GNAI1: variants seen among roughly 807,000 people sequenced by gnomAD.
GNAI1 encodes the protein guanine nucleotide-binding protein G(i) subunit alpha-1.
A neutral mutation model predicts 38.9 loss-of-function variants in GNAI1; 11 were observed. The ratio of observed to expected loss-of-function variants is 0.28; its 90% CI spans 0.18 to 0.47. The LOEUF is 0.47. GNAI1 is among the 20% of genes least tolerant of loss of function. The pLI, the probability that GNAI1 is intolerant of heterozygous loss-of-function variation, is 0.99. For missense variants in GNAI1, 317 were observed against 436.9 expected (o/e 0.73, Z 2.45); for synonymous variants, 166 against 145.1 (o/e 1.14, Z -1.04).
At chr7:80,200,646 C>G (rs998970883) in intron 4 of GNAI1, among the ~76,000 whole-genome samples, 3 of 152,100 alleles carry the variant, frequency 2.0e-5, no homozygotes, top group Non-Finnish European at 4.4e-5. Context: ...ATTATTTGTT[C>G]AGCATCAGAC....
rs554682287 is a variant in GNAI1, at chr7:80,143,671, G to GT, written c.118+8399dup. 9.9e-5 allele frequency among the ~76,000 whole-genome samples: 15 copies of GT among 152,198 alleles called. No individual in the cohort carries two copies. The East Asian group carries it at 2.5e-3, about 25-fold the overall frequency. The stretch of plus-strand genomic sequence containing the variant: ...AAGTTACCAAATTTTATAAGCTTCA[G>GT]TTTTTTCTTCTATAAATGCTGGATA... On this transcript the variant is annotated intron_variant, in intron 1 of 7. Transcript: ENST00000649796.
intron 1 of GNAI1, among the ~76,000 whole-genome samples, chr7:80,158,493 G>C (rs1014482356): frequency 1.3e-5 from 2 of 152,136 alleles, no homozygotes; most frequent in African/African-American, 4.8e-5. Context: ...CCCTCATGCT[G>C]TTCTTACGAT....
At chr7:80,184,373 C>T (rs1039649866) in intron 1 of GNAI1, among the ~76,000 whole-genome samples, 1 of 152,152 alleles carries the variant, frequency 6.6e-6, no homozygotes, top group African/African-American at 2.4e-5. Flanking sequence ...TGTCCCTTCT[C>T]CCCTGATTCT....
At chr7:80,161,364 CTT>C (rs1787920932) in intron 1 of GNAI1, among the ~76,000 whole-genome samples, 1 of 152,272 alleles carries the variant, frequency 6.6e-6, no homozygotes, top group African/African-American at 2.4e-5. Context: ...AAATTAGAAT[CTT>C]ATATCAGCAA....
chr7:80,217,248 T>A (rs372839765), intron 7 of GNAI1, 55 bp from the exon 8 acceptor site: 2 of 437,280 alleles, frequency 4.6e-6, no homozygotes, highest in Non-Finnish European at 6.6e-6. Context: ...ATTCAGTATT[T>A]TAAGCAGTTA....
chr7:80,198,380 A>G (rs1025015784), intron 3 of GNAI1, among the ~76,000 whole-genome samples: 1 of 152,174 alleles, frequency 6.6e-6, no homozygotes, highest in Non-Finnish European at 1.5e-5. Flanking sequence ...TAGAATATTT[A>G]GATTGTATTA....
chr7:80,198,491 T>G (rs1788621473), intron 3 of GNAI1, among the ~76,000 whole-genome samples: 1 of 152,166 alleles, frequency 6.6e-6, no homozygotes, highest in Non-Finnish European at 1.5e-5. Context: ...AATTTTAAGC[T>G]AAGTTTAATT....
In GNAI1 at chr7:80,224,980, C is replaced by T. The variant is rs1789135251; in HGVS notation, c.*7487C>T. ...ATGCTTTATTTTTCTTCCACAACAA[C>T]TCTATTTGCATTGCATGGAAATGTT... is the stretch of plus-strand genomic sequence containing the variant. On this transcript the variant is annotated 3_prime_UTR_variant, in exon 8 of 8. Coordinates refer to ENST00000649796, the MANE Select transcript of GNAI1 (RefSeq NM_002069.6). Among the ~76,000 whole-genome samples the T allele has an allele frequency of 6.6e-6, 1 of 152,116 alleles. No individual in the cohort carries two copies. Among genetic ancestry groups the T allele is most frequent in the Non-Finnish European group, 1.5e-5 (1 of 68,016 alleles).
intron 4 of GNAI1, among the ~76,000 whole-genome samples, chr7:80,200,885 T>G (rs945011952): frequency 2.0e-5 from 3 of 152,198 alleles, no homozygotes; most frequent in Non-Finnish European, 4.4e-5. Context: ...GAAATATTCC[T>G]TGACCCACTG....
At chr7:80,135,514 C>A (rs529894804) in intron 1 of GNAI1, 2 of 400,902 alleles carry the variant, frequency 5.0e-6, no homozygotes, top group African/African-American at 2.1e-5. Context: ...TCACTTCACT[C>A]GGATGCTTTC....
At chr7:80,197,369 A>G (rs748941216) in intron 3 of GNAI1, among the ~76,000 whole-genome samples, 5 of 151,932 alleles carry the variant, frequency 3.3e-5, no homozygotes, top group East Asian at 1.9e-4. Context: ...CTTCAGGCCT[A>G]TTCCTGGAAA....
intron 3 of GNAI1, among the ~76,000 whole-genome samples, chr7:80,192,223 C>A (rs542164322): frequency 1.1e-3 from 167 of 152,182 alleles, no homozygotes; most frequent in Non-Finnish European, 1.8e-3. Context: ...GAATGGCATT[C>A]TTCACCTTAT....
In GNAI1 at chr7:80,163,640, C is replaced by T. The variant is rs566331136; in HGVS notation, c.119-25311C>T. Among the ~76,000 whole-genome samples, 12 of 152,288 alleles carry T rather than the reference C, an allele frequency of 7.9e-5. No homozygotes were observed. The South Asian group carries it at 2.5e-3, about 32-fold the overall frequency. On this transcript the variant is annotated intron_variant, in intron 1 of 7. Transcript: ENST00000649796. ...TGTTGAATTTTGAGATATTTAGAGA[C>T]AGTAGTTTTCCTTTTGTCTTTTTGC...
intron 1 of GNAI1, among the ~76,000 whole-genome samples, chr7:80,138,528 G>A (rs926561996): frequency 6.6e-6 from 1 of 151,840 alleles, no homozygotes; most frequent in African/African-American, 2.4e-5. Flanking sequence ...TAATTGTTGA[G>A]GAAATTATTT....
chr7:80,150,725 A>C (rs1787709567), intron 1 of GNAI1, among the ~76,000 whole-genome samples: 2 of 152,184 alleles, frequency 1.3e-5, no homozygotes, highest in Non-Finnish European at 1.5e-5. Flanking sequence ...ATATTTCGTA[A>C]ATAAACAGAA....
chr7:80,188,889 G>T, intron 1 of GNAI1, 62 bp from the exon 2 acceptor site: 1 of 966,696 alleles, frequency 1.0e-6, no homozygotes. Context: ...TGTGTGTTGG[G>T]AGTTGAATAT....
intron 1 of GNAI1, among the ~76,000 whole-genome samples, chr7:80,137,317 CTTTTTTT>C (rs398005254): frequency 5.6e-5 from 3 of 53,984 alleles, no homozygotes; most frequent in East Asian, 1.1e-3. Context: ...CTTTTCTTTT[CTTTTTTT>C]TTTTTTTTTT....
chr7:80,175,104 T>C (rs1206781702), intron 1 of GNAI1, among the ~76,000 whole-genome samples: 2 of 152,174 alleles, frequency 1.3e-5, no homozygotes, highest in Admixed American at 6.6e-5. Flanking sequence ...GAAAACCATT[T>C]TTAATTGATA....
In GNAI1 at chr7:80,219,791, A is replaced by G. The variant is rs556046898; in HGVS notation, c.*2298A>G. On this transcript the variant is annotated 3_prime_UTR_variant, in exon 8 of 8. Transcript: ENST00000649796. Reference sequence around the variant, plus strand: ...TTGGTTACATATGTATACATGTGCCATGGTGGTTTGCTGCACCTATCAACC... The same window carrying G: ...TTGGTTACATATGTATACATGTGCCGTGGTGGTTTGCTGCACCTATCAACC... Among the ~76,000 whole-genome samples the G allele has an allele frequency of 1.4e-4, 21 of 152,280 alleles. 1 individual carries two copies. In the South Asian group the frequency reaches 2.9e-3, roughly 21 times the overall value.
Sources: gnomAD v4.1 joint callset for allele counts (sites outside exome capture counted in the v4.1 genomes callset) on GRCh38, gnomAD v4.1.1 for gene constraint, MANE v1.5 for transcripts, NCBI Gene and HGNC (gene_info 2026-07-23, HGNC 2026-07-21) for gene names.